Variants in TYR observed in about 807,000 individuals in gnomAD.
The protein encoded by TYR is LB24-AB.
In TYR, 58 loss-of-function variants were observed where a neutral mutation model predicts 51.5. That is an observed-to-expected ratio of 1.13 (90% CI 0.91 to 1.40). The LOEUF (loss-of-function observed/expected upper bound fraction) is 1.40, where lower values mean the gene tolerates loss of function less well. Ranked by LOEUF, TYR falls within the 40% of genes most tolerant of loss-of-function variation. The pLI, the probability that TYR is intolerant of heterozygous loss-of-function variation, is 0.00. For synonymous variants in TYR, 263 were observed against 235.2 expected, an observed-to-expected ratio of 1.12 and a Z score of -1.08; for missense variants, 732 against 647.4, an observed-to-expected ratio of 1.13 and a Z score of -1.42.
intron 1 of TYR, among the ~76,000 whole-genome samples, chr11:89,183,422 A>AG (rs1943327251): frequency 1.3e-5 from 2 of 152,096 alleles, no homozygotes; most frequent in Non-Finnish European, 1.5e-5. Flanking sequence ...TTTTCCAAAG[A>AG]GAAAAAAAAT....
intron 3 of TYR, among the ~76,000 whole-genome samples, chr11:89,251,302 G>C (rs562690749): frequency 6.6e-6 from 1 of 151,898 alleles, no homozygotes; most frequent in Non-Finnish European, 1.5e-5. Flanking sequence ...TTTATCATAT[G>C]ACTGTTTATT....
At chr11:89,179,901 C>T (rs1271546977) in intron 1 of TYR, among the ~76,000 whole-genome samples, 1 of 152,130 alleles carries the variant, frequency 6.6e-6, no homozygotes, top group Non-Finnish European at 1.5e-5. Flanking sequence ...ATTTCTAATA[C>T]AGCACTTTTG....
intron 3 of TYR, among the ~76,000 whole-genome samples, chr11:89,283,339 C>A (rs935540780): frequency 6.6e-6 from 1 of 151,672 alleles, no homozygotes; most frequent in Non-Finnish European, 1.5e-5. Context: ...ATTTGGCTTC[C>A]TTGTTCTCTT....
chr11:89,289,583 A>G lies in TYR; in HGVS notation c.1366+4629A>G, dbSNP rs879302628. On this transcript the variant is annotated intron_variant, in intron 4 of 4. Transcript: ENST00000263321. ...CCAGGTGCTGAGGGTGAAAAGGTAA[A>G]TGAGACAGAGTGCCCCCCAACTCCC... Among the ~76,000 whole-genome samples, 1 of 151,994 alleles carries G rather than the reference A, an allele frequency of 6.6e-6. No homozygotes were observed. Among genetic ancestry groups the G allele is most frequent in the Non-Finnish European group, 1.5e-5 (1 of 67,980 alleles).
At chr11:89,272,944 G>T (rs180991068) in intron 3 of TYR, among the ~76,000 whole-genome samples, 3 of 152,014 alleles carry the variant, frequency 2.0e-5, no homozygotes, top group Admixed American at 6.6e-5. Flanking sequence ...CTGGGGCCTT[G>T]CTCTGGATTA....
At position 89,247,291 on chromosome 11, in the gene TYR, A is replaced by C. The variant is rs11018550; in HGVS notation, c.1184+19321A>C. The stretch of plus-strand genomic sequence containing the variant: ...TTTAGCACCTAGCACAGAACCTAGC[A>C]CATAGGAGACATTCATTACATACTT... On this transcript the variant is annotated intron_variant, in intron 3 of 4. Coordinates refer to ENST00000263321, the MANE Select transcript of TYR (RefSeq NM_000372.5). 8.8e-4 allele frequency among the ~76,000 whole-genome samples: 134 copies of C among 152,302 alleles called. 3 individuals are homozygous for C. The East Asian group carries it at 0.023, about 27-fold the overall frequency.
chr11:89,184,479 A>G (rs952502133), intron 1 of TYR, among the ~76,000 whole-genome samples: 3 of 152,156 alleles, frequency 2.0e-5, no homozygotes, highest in African/African-American at 7.2e-5. Context: ...GTCATAATTA[A>G]TGTAGTGGGT....
chr11:89,243,661 A>T (rs1175501620), intron 3 of TYR, among the ~76,000 whole-genome samples: 1 of 152,192 alleles, frequency 6.6e-6, no homozygotes, highest in Admixed American at 6.5e-5. Flanking sequence ...ACAATGTTTA[A>T]TCGAATTAAT....
At chr11:89,258,650 T>A (rs559593255) in intron 3 of TYR, among the ~76,000 whole-genome samples, 1 of 152,084 alleles carries the variant, frequency 6.6e-6, no homozygotes, top group South Asian at 2.1e-4. Flanking sequence ...TGGACAGATA[T>A]TGGGTGAATT....
In TYR at chr11:89,245,430, G is replaced by C. The variant is rs576932814; in HGVS notation, c.1184+17460G>C. Among the ~76,000 whole-genome samples, 7 of 152,280 alleles carry C rather than the reference G, an allele frequency of 4.6e-5. No individual in the cohort carries two copies. In the South Asian group the frequency reaches 1.5e-3, roughly 32 times the overall value. ...TAGATGGAGGCTTAATAGAAGGAAA[G>C]TGTATATTGGATATAGACAAAGAAA... On this transcript the variant is annotated intron_variant, in intron 3 of 4. Transcript: ENST00000263321.
chr11:89,289,407 T>C (rs1333180880), intron 4 of TYR, among the ~76,000 whole-genome samples: 1 of 152,016 alleles, frequency 6.6e-6, no homozygotes, highest in African/African-American at 2.4e-5. Flanking sequence ...ATCAACATTA[T>C]ATGCTCAGAG....
intron 3 of TYR, among the ~76,000 whole-genome samples, chr11:89,256,668 G>A (rs1389392792): frequency 1.3e-5 from 2 of 151,886 alleles, no homozygotes; most frequent in Non-Finnish European, 2.9e-5. Context: ...GGAGGAAGCA[G>A]TACCACTCCT....
At chr11:89,265,393 C>T (rs983068737) in intron 3 of TYR, among the ~76,000 whole-genome samples, 5 of 152,070 alleles carry the variant, frequency 3.3e-5, no homozygotes, top group Non-Finnish European at 7.4e-5. Flanking sequence ...CTGCCTTCGC[C>T]ACTTGGCTGT....
intron 3 of TYR, among the ~76,000 whole-genome samples, chr11:89,235,987 G>A (rs1944105088): frequency 6.6e-6 from 1 of 151,964 alleles, no homozygotes; most frequent in African/African-American, 2.4e-5. Context: ...ATTTTTAAAA[G>A]TGTCAATTTG....
At chr11:89,257,104 A>G (rs572181195) in intron 3 of TYR, among the ~76,000 whole-genome samples, 10 of 152,002 alleles carry the variant, frequency 6.6e-5, no homozygotes, top group African/African-American at 9.7e-5. Context: ...AACAAGAAGG[A>G]ACAAGTCCTT....
At chr11:89,258,491 G>A (rs1344747283) in intron 3 of TYR, among the ~76,000 whole-genome samples, 1 of 151,032 alleles carries the variant, frequency 6.6e-6, no homozygotes, top group Non-Finnish European at 1.5e-5. Context: ...TTCTGGCTCA[G>A]TGTGAAGTAT....
intron 3 of TYR, among the ~76,000 whole-genome samples, chr11:89,280,270 T>G (rs962396776): frequency 1.3e-5 from 2 of 151,688 alleles, no homozygotes; most frequent in African/African-American, 4.8e-5. Context: ...GCCTACTTTT[T>G]CTTCTTCTGG....
In TYR at chr11:89,245,941, C is replaced by A. The variant is rs568895477; in HGVS notation, c.1184+17971C>A. ...ATCTCAAAAAAAAAAAACAAACAAA[C>A]AAAAAAAACAAAACAGAATCTGAAG... On this transcript the variant is annotated intron_variant, in intron 3 of 4. Coordinates refer to ENST00000263321, the MANE Select transcript of TYR (RefSeq NM_000372.5). Among the ~76,000 whole-genome samples the A allele has an allele frequency of 9.6e-4, 144 of 150,632 alleles. 1 individual carries two copies. The highest frequency in any genetic ancestry group is 3.5e-3 in the East Asian group (18 of 5,104).
At chr11:89,198,263 C>A (rs1943549701) in intron 2 of TYR, among the ~76,000 whole-genome samples, 1 of 151,876 alleles carries the variant, frequency 6.6e-6, no homozygotes, top group Admixed American at 6.6e-5. Flanking sequence ...AAAATAAATT[C>A]ATTTGACACT....
Sources: allele counts gnomAD v4.1 joint callset (sites outside exome capture counted in the v4.1 genomes callset), GRCh38; gene constraint gnomAD v4.1.1; transcripts MANE v1.5; gene names NCBI Gene and HGNC (gene_info 2026-07-23, HGNC 2026-07-21).